The following RSF1 variants were observed in gnomAD, a reference collection of about 807,000 sequenced individuals.
RSF1 encodes the protein HBV pX-associated protein 8.
In RSF1, 13 loss-of-function variants were observed where a neutral mutation model predicts 145.2. The ratio of observed to expected loss-of-function variants is 0.09; its 90% CI spans 0.06 to 0.14. RSF1 has a LOEUF of 0.14. Ranked by LOEUF, RSF1 falls within the 10% of genes least tolerant of loss-of-function variation. The pLI is 1.00. For missense variants in RSF1, 1,517 were observed against 1,718.2 expected (o/e 0.88, Z 2.07); for synonymous variants, 577 against 592.6 (o/e 0.97, Z 0.38).
chr11:77,706,609 T>G (rs978383180), intron 5 of RSF1, among the ~76,000 whole-genome samples: 3 of 152,174 alleles, frequency 2.0e-5, no homozygotes, highest in Non-Finnish European at 4.4e-5. Flanking sequence ...CTGTTAACTC[T>G]GCCTAGTAAG....
At chr11:77,677,442 T>C (rs1482952357) in intron 12 of RSF1, among the ~76,000 whole-genome samples, 2 of 152,148 alleles carry the variant, frequency 1.3e-5, no homozygotes, top group Admixed American at 6.5e-5. Context: ...AAGAGGCCAA[T>C]AGAGTTTTTA....
intron 11 of RSF1, among the ~76,000 whole-genome samples, chr11:77,681,501 A>G (rs1320281670): frequency 2.0e-5 from 3 of 152,004 alleles, no homozygotes; most frequent in Non-Finnish European, 2.9e-5. Context: ...GATGGTCTTG[A>G]ACTTTTGGGC....
At chr11:77,827,138 T>A in the RSF1 span, among the ~76,000 whole-genome samples, 2 of 151,878 alleles carry the variant, frequency 1.3e-5, no homozygotes, top group African/African-American at 4.8e-5. Flanking sequence ...AATTTGAAAT[T>A]TGCCCCTGGC....
In RSF1 at chr11:77,798,165, C is replaced by T. The variant is rs544541508; in HGVS notation, c.187+22363G>A. Among the ~76,000 whole-genome samples the T allele has an allele frequency of 1.3e-3, 193 of 152,250 alleles. 1 individual carries two copies. The highest frequency in any genetic ancestry group is 4.5e-3 in the African/African-American group (186 of 41,544). ...AGCGATCCCATTACTGGGGTACATACCCAAAGGATTATAAATCATTCTACT... is the reference window on the plus strand; with the variant it reads ...AGCGATCCCATTACTGGGGTACATATCCAAAGGATTATAAATCATTCTACT... On this transcript the variant is annotated intron_variant, in intron 1 of 15. Transcript: ENST00000308488.
rs1364620755 is a variant in RSF1, at chr11:77,701,370, G to C, written c.1859C>G (p.Pro620Arg). Reference sequence around the variant, plus strand: ...AGTTTCAGCTGCCTCAGGAGAGCCAGGCTTTTCTGACTCTAGAGTACTCTT... The same window carrying C: ...AGTTTCAGCTGCCTCAGGAGAGCCACGCTTTTCTGACTCTAGAGTACTCTT... ...VPKSTLESEK[P>R]GSPEAAETSP... The change falls in exon 6 of 16, where the codon CCT becomes CGT. Residue 620 changes from proline (P) to arginine (R), a missense_variant. Coordinates refer to ENST00000308488, the MANE Select transcript of RSF1 (RefSeq NM_016578.4). The C allele has an allele frequency of 6.2e-7, 1 of 1,613,866 alleles. No homozygotes were observed. The highest frequency in any genetic ancestry group is 8.5e-7 in the Non-Finnish European group (1 of 1,180,026).
At chr11:77,749,814 T>G (rs1408812432) in intron 2 of RSF1, among the ~76,000 whole-genome samples, 4 of 152,170 alleles carry the variant, frequency 2.6e-5, no homozygotes, top group Non-Finnish European at 5.9e-5. Context: ...AGTGGTGCGA[T>G]CTCGGCTCAC....
chr11:77,764,804 G>T, intron 1 of RSF1, 115 bp from the exon 2 acceptor site: 1 of 659,478 alleles, frequency 1.5e-6, no homozygotes. Context: ...AACAGACAGT[G>T]TTGATACTAG....
chr11:77,685,056 G>T, intron 10 of RSF1, 49 bp downstream of exon 10: 2 of 1,024,894 alleles, frequency 2.0e-6, no homozygotes, highest in Non-Finnish European at 2.8e-6. Flanking sequence ...AAATTTTAGA[G>T]CAATTATGAC....
At chr11:77,723,233 A>C (rs2135883551) in intron 5 of RSF1, among the ~76,000 whole-genome samples, 1 of 152,300 alleles carries the variant, frequency 6.6e-6, no homozygotes, top group African/African-American at 2.4e-5. Context: ...CCAAGGCAGG[A>C]GGGTCGCCTG....
intron 9 of RSF1, among the ~76,000 whole-genome samples, chr11:77,690,170 A>C (rs1368126887): frequency 6.6e-6 from 1 of 151,734 alleles, no homozygotes; most frequent in Non-Finnish European, 1.5e-5. Context: ...TCAAAAAAAA[A>C]AAAAAAAAAA....
intron 5 of RSF1, among the ~76,000 whole-genome samples, chr11:77,724,986 A>G (rs1961019716): frequency 6.6e-6 from 1 of 152,222 alleles, no homozygotes. Flanking sequence ...TAAGCCTGTC[A>G]CAAAAGTGCA....
At chr11:77,793,006 C>G (rs900021931) in intron 1 of RSF1, among the ~76,000 whole-genome samples, 1 of 151,998 alleles carries the variant, frequency 6.6e-6, no homozygotes, top group African/African-American at 2.4e-5. Context: ...TCAAAAGGTA[C>G]CACGACATTA....
Position 77,698,585 on chromosome 11 carries a change from C to G in RSF1, c.2617G>C (p.Ala873Pro). ...TCCTTTTCTTCCTCCTCTTCTGAAGCTGCAGATGATTTTTCACTGCCAGAC... is the reference window on the plus strand; with the variant it reads ...TCCTTTTCTTCCTCCTCTTCTGAAGGTGCAGATGATTTTTCACTGCCAGAC... ...EGSGSEKSSA[A>P]SEEEEEKESE... The change falls in exon 7 of 16, where the codon GCT (alanine) becomes CCT (proline). Residue 873 changes from alanine to proline, a missense_variant. Ala to Pro is a conservative substitution (Grantham distance 27). Coordinates refer to ENST00000308488, the MANE Select transcript of RSF1 (RefSeq NM_016578.4). 1 of 1,614,134 alleles carries G rather than the reference C, an allele frequency of 6.2e-7. No homozygotes were observed. The highest frequency in any genetic ancestry group is 8.5e-7 in the Non-Finnish European group (1 of 1,180,020).
At chr11:77,691,059 G>T (rs185079837) in intron 9 of RSF1, 100 bp downstream of exon 9, 4 of 1,177,564 alleles carry the variant, frequency 3.4e-6, no homozygotes, top group Non-Finnish European at 5.0e-6. Flanking sequence ...ACAGGCCACA[G>T]TATGCCAATC....
the RSF1 span, among the ~76,000 whole-genome samples, chr11:77,834,983 TAAA>T: frequency 1.3e-5 from 2 of 152,072 alleles, no homozygotes. Context: ...CATATTTTTA[TAAA>T]AAAAGTAACA....
At chr11:77,754,341 C>T (rs1166814589) in intron 2 of RSF1, among the ~76,000 whole-genome samples, 1 of 152,138 alleles carries the variant, frequency 6.6e-6, no homozygotes, top group Non-Finnish European at 1.5e-5. Flanking sequence ...GTGACTCATG[C>T]CTGTAATCCC....
the RSF1 span, chr11:77,869,871 T>G: frequency 6.5e-7 from 1 of 1,544,338 alleles, no homozygotes; most frequent in Non-Finnish European, 8.9e-7. Context: ...CTCTTGGGCC[T>G]TTGTCTTACA....
At chr11:77,815,864 G>T (rs908589354) in intron 1 of RSF1, among the ~76,000 whole-genome samples, 1 of 152,028 alleles carries the variant, frequency 6.6e-6, no homozygotes, top group African/African-American at 2.4e-5. Flanking sequence ...TTACCGGTGA[G>T]GTCTGTTTAA....
chr11:77,691,310 T>C, intron 8 of RSF1, 72 bp from the exon 9 acceptor site: 1 of 1,288,754 alleles, frequency 7.8e-7, no homozygotes. Context: ...CATGTTAACT[T>C]CATGGGTAGT....
Sources: gnomAD v4.1 joint callset for allele counts (sites outside exome capture counted in the v4.1 genomes callset) on GRCh38, gnomAD v4.1.1 for gene constraint, MANE v1.5 for transcripts, NCBI Gene and HGNC (gene_info 2026-07-23, HGNC 2026-07-21) for gene names.